Variants in MMS22L observed in about 807,000 individuals in gnomAD.
MMS22L encodes the protein MMS22 like, DNA repair protein.
Under a neutral mutation model 159.1 loss-of-function variants are expected in MMS22L, and 74 were observed. That is an observed-to-expected ratio of 0.47 (90% CI 0.39 to 0.56). The LOEUF (loss-of-function observed/expected upper bound fraction) is 0.56. Ranked by LOEUF, MMS22L falls within the 20% of genes least tolerant of loss-of-function variation. The probability of loss-of-function intolerance (pLI) is 0.00; values close to 1 mark genes in which losing one functional copy is unlikely to be tolerated. For missense variants in MMS22L, 1,351 were observed against 1,422.1 expected (o/e 0.95, Z 0.80); for synonymous variants, 517 against 506.9 (o/e 1.02, Z -0.27).
At position 97,149,839 on chromosome 6, in the gene MMS22L, A is replaced by C. The variant is rs1801147058; in HGVS notation, c.3650+14T>G. On this transcript the variant is annotated intron_variant, in intron 24 of 24. Transcript: ENST00000683635. ...TCACTGCCCCCCCCAATGTAATTAA[A>C]TTATCAAACATACCTTTGTGCTATA... 6.4e-7 allele frequency: 1 copy of C among 1,569,002 alleles called. No individual in the cohort carries two copies. Among genetic ancestry groups the C allele is most frequent in the South Asian group, 1.2e-5 (1 of 83,302 alleles).
chr6:97,236,148 C>T (rs1314972374), intron 11 of MMS22L, among the ~76,000 whole-genome samples: 1 of 151,684 alleles, frequency 6.6e-6, no homozygotes, highest in Middle Eastern at 3.4e-3. Context: ...GCCAACATGG[C>T]GAAACCCCAT....
intron 11 of MMS22L, among the ~76,000 whole-genome samples, chr6:97,235,480 T>C (rs1447028627): frequency 2.0e-5 from 3 of 152,218 alleles, no homozygotes; most frequent in African/African-American, 7.2e-5. Flanking sequence ...CATTTTCATA[T>C]GAAGCAAGTG....
At chr6:97,199,085 C>T (rs1806855276) in intron 14 of MMS22L, among the ~76,000 whole-genome samples, 1 of 152,272 alleles carries the variant, frequency 6.6e-6, no homozygotes, top group East Asian at 1.9e-4. Flanking sequence ...TACATAGTCA[C>T]TGCTACCCTC....
rs1804789084 is a variant in MMS22L at position 97,182,191 on chromosome 6, A to G, written c.2234-137T>C. 5 of 699,962 alleles carry G rather than the reference A, an allele frequency of 7.1e-6. No homozygotes were observed. The Admixed American group carries it at 1.3e-4, about 18-fold the overall frequency. The allele number at this position is 699,962 out of a possible 1,614,324, so 43.4% of individuals were successfully genotyped here. A position where few individuals can be genotyped will look rare whatever the true frequency, so the allele number is the denominator to read the frequency against. On this transcript the variant is annotated intron_variant, in intron 15 of 24. Transcript: ENST00000683635. ...AATAAAATGTTCTACTTAGAAATGT[A>G]GAGCAAACAAAAAGCTAAAACTGAA...
intron 14 of MMS22L, among the ~76,000 whole-genome samples, chr6:97,219,540 C>T (rs554850495): frequency 1.3e-5 from 2 of 152,036 alleles, no homozygotes; most frequent in African/African-American, 2.4e-5. Flanking sequence ...CTAGTGCTAC[C>T]CTACTGGACA....
chr6:97,268,021 T>C lies in MMS22L; in HGVS notation c.698-19A>G, dbSNP rs148451115. 3.4e-5 allele frequency: 51 copies of C among 1,489,916 alleles called. No individual in the cohort carries two copies. The African/African-American group carries it at 6.8e-4, about 20-fold the overall frequency. The allele number at this position is 1,489,916 out of a possible 1,614,324, so 92.3% of individuals were successfully genotyped here. ...ACTTGTTCTGAAAATGTAATAAAAA[T>C]AGTTTTAAAATACAGATTTTACTAA... On this transcript the variant is annotated intron_variant, in intron 7 of 24. Transcript: ENST00000683635.
Position 97,281,447 on chromosome 6 carries a change from A to G in MMS22L, c.165-85T>C, listed in dbSNP as rs992265360. 6 of 1,137,752 alleles carry G rather than the reference A, an allele frequency of 5.3e-6. No homozygotes were observed. The African/African-American group carries it at 7.8e-5, about 15-fold the overall frequency. 70.5% of individuals were successfully genotyped at this position (1,137,752 alleles called of 1,614,324 possible). On this transcript the variant is annotated intron_variant, in intron 2 of 24. Transcript: ENST00000683635. Reference sequence around the variant, plus strand: ...TCTTTTCTTTACATTATTTGAATCCATATTATACATGACATGTATAAAAAG... The same window carrying G: ...TCTTTTCTTTACATTATTTGAATCCGTATTATACATGACATGTATAAAAAG...
chr6:97,241,028 C>T (rs964775184), intron 11 of MMS22L, among the ~76,000 whole-genome samples: 20 of 152,322 alleles, frequency 1.3e-4, no homozygotes, highest in African/African-American at 4.3e-4. Context: ...GTCCTCATAG[C>T]TTACCTCCAA....
chr6:97,146,793 A>G lies in MMS22L; in HGVS notation c.*13T>C, dbSNP rs1001115156. 2 of 1,535,358 alleles carry G rather than the reference A, an allele frequency of 1.3e-6. No individual in the cohort carries two copies. The highest frequency in any genetic ancestry group is 1.8e-6 in the Non-Finnish European group (2 of 1,131,126). On this transcript the variant is annotated 3_prime_UTR_variant, in exon 25 of 25. Transcript: ENST00000683635. The stretch of plus-strand genomic sequence containing the variant: ...TACTGATAATTAATAGACAGGATGA[A>G]TCACAAAATATATTAAGTATTATCA...
Position 97,168,122 on chromosome 6 carries a change from C to T in MMS22L, c.2958G>A (p.Leu986=). 1 of 1,613,034 alleles carries T rather than the reference C, an allele frequency of 6.2e-7. No homozygotes were observed. The highest frequency in any genetic ancestry group is 8.5e-7 in the Non-Finnish European group (1 of 1,179,362). The change falls in exon 20 of 25, where the codon CTG becomes CTA. Residue 986 remains leucine (L), a synonymous_variant. Transcript: ENST00000683635. ...GAATTGCTGACAACATAGGTGCAGG[C>T]AGTTCCTTCTCTTGCTGTAATACTG... ...PHAVLQQEKE[L]PAPMLSAIQK...
At chr6:97,255,781 A>G (rs1446464009) in intron 9 of MMS22L, among the ~76,000 whole-genome samples, 2 of 21,086 alleles carry the variant, frequency 9.5e-5, no homozygotes, top group East Asian at 6.4e-4. Context: ...CTCCTTGAAA[A>G]TCTGTCCATT....
chr6:97,255,814 A>G (rs1183436638), intron 9 of MMS22L, among the ~76,000 whole-genome samples: 1 of 152,126 alleles, frequency 6.6e-6, no homozygotes, highest in East Asian at 1.9e-4. Flanking sequence ...GGTTAACACC[A>G]TGTTATTAGC....
At position 97,145,366 on chromosome 6, in the gene MMS22L, G is replaced by A. The variant is rs540490130; in HGVS notation, c.*1440C>T. The A allele has an allele frequency of 4.6e-5, 7 of 152,244 alleles. No individual in the cohort carries two copies. Among genetic ancestry groups the A allele is most frequent in the African/African-American group, 1.7e-4 (7 of 41,554 alleles). The allele number at this position is 152,244 out of a possible 1,614,324, so 9.4% of individuals were successfully genotyped here. The stretch of plus-strand genomic sequence containing the variant: ...TTAACTACAGAATACTGATTGCAAA[G>A]TATTTCATTTTTAAAGATACTCCTT... On this transcript the variant is annotated 3_prime_UTR_variant, in exon 25 of 25. Transcript: ENST00000683635.
intron 14 of MMS22L, 28 bp from the exon 15 acceptor site, chr6:97,186,718 A>AC (rs751528932): frequency 5.6e-6 from 8 of 1,418,706 alleles, no homozygotes; most frequent in Non-Finnish European, 7.5e-6. Context: ...TACAGCTAAC[A>AC]CCCTTAATAA....
intron 4 of MMS22L, among the ~76,000 whole-genome samples, chr6:97,273,730 C>T (rs1382813043): frequency 2.0e-5 from 3 of 152,108 alleles, no homozygotes; most frequent in South Asian, 2.1e-4. Context: ...CCTTTAACCT[C>T]GTATCTAATC....
Position 97,178,054 on chromosome 6 carries a change from G to A in MMS22L, c.2679+389C>T, listed in dbSNP as rs192928307. Among the ~76,000 whole-genome samples, 4 of 152,244 alleles carry A rather than the reference G, an allele frequency of 2.6e-5. No homozygotes were observed. In the East Asian group the frequency reaches 7.7e-4, roughly 29 times the overall value. ...AGTAGATGGTGCTTATGCCTACACT[G>A]TTCGCTACAGGGTGATAAACACTAA... On this transcript the variant is annotated intron_variant, in intron 18 of 24. Transcript: ENST00000683635.
intron 17 of MMS22L, among the ~76,000 whole-genome samples, 181 bp downstream of exon 17, chr6:97,179,227 A>AAAAAC (rs1273480130): frequency 2.0e-5 from 3 of 152,282 alleles, no homozygotes; most frequent in African/African-American, 7.2e-5. Context: ...ACAGGAAAAT[A>AAAAAC]AAAACAAAAC....
At chr6:97,224,036 T>C (rs1395074953) in intron 14 of MMS22L, among the ~76,000 whole-genome samples, 5 of 152,152 alleles carry the variant, frequency 3.3e-5, no homozygotes, top group Non-Finnish European at 7.4e-5. Flanking sequence ...GTTGACAGCA[T>C]AAGACAAAAC....
intron 14 of MMS22L, among the ~76,000 whole-genome samples, chr6:97,210,959 G>T (rs1808310685): frequency 1.3e-5 from 2 of 151,804 alleles, no homozygotes; most frequent in African/African-American, 4.8e-5. Context: ...ATTTAAAAAG[G>T]AATGACCATG....
Sources: gnomAD v4.1 joint callset for allele counts (sites outside exome capture counted in the v4.1 genomes callset) on GRCh38, gnomAD v4.1.1 for gene constraint, MANE v1.5 for transcripts, NCBI Gene and HGNC (gene_info 2026-07-23, HGNC 2026-07-21) for gene names.